The following FANCI variants were observed in gnomAD, a reference collection of about 807,000 sequenced individuals.
The protein encoded by FANCI is FA complementation group I, also known as Fanconi anemia group I protein.
A neutral mutation model predicts 176.1 loss-of-function variants in FANCI; 156 were observed. The ratio of observed to expected loss-of-function variants is 0.89; its 90% CI spans 0.78 to 1.01. FANCI has a LOEUF of 1.01. FANCI is among the 50% of genes least tolerant of loss of function. The probability of loss-of-function intolerance (pLI) is 0.00; values close to 1 mark genes in which losing one functional copy is unlikely to be tolerated. For synonymous variants in FANCI, 613 were observed against 541.7 expected, an observed-to-expected ratio of 1.13 and a Z score of -1.83; for missense variants, 1,678 against 1,534.1, an observed-to-expected ratio of 1.09 and a Z score of -1.57.
At chr15:89,268,250 A>G (rs1480624052) in intron 9 of FANCI, 149 bp from the exon 10 acceptor site, 5 of 795,242 alleles carry the variant, frequency 6.3e-6, no homozygotes, top group Non-Finnish European at 8.5e-6. Context: ...ATGCCACCAC[A>G]TCGGGCTGAT....
Position 89,306,012 on chromosome 15 carries a change from G to A in FANCI, c.3355G>A (p.Ala1119Thr). Reference protein sequence around the residue: ...QVSQETLSEEASSQATLPNQP... With the variant: ...QVSQETLSEETSSQATLPNQP... ...CCAATTTTATTTCCCTTTAGAAGAG[G>A]CCTCTTCTCAGGCAACCCTACCAAA... Residue 1119 changes from alanine (A) to threonine (T), a missense_variant, in exon 32 of 38, where the codon GCC becomes ACC. By Grantham distance (58) the Ala-to-Thr change is moderately conservative (BLOSUM62 0). Around this residue, in one of 3 missense-constraint regions of FANCI, gnomAD observed 1,204 missense variants for 1,077.4 expected, o/e 1.12. Coordinates refer to ENST00000310775, the MANE Select transcript of FANCI (RefSeq NM_001113378.2). The A allele has an allele frequency of 6.2e-7, 1 of 1,614,114 alleles. No individual in the cohort carries two copies. Among genetic ancestry groups the A allele is most frequent in the Non-Finnish European group, 8.5e-7 (1 of 1,180,024 alleles).
At chr15:89,281,339 G>C (rs753864276) in intron 15 of FANCI, 39 bp downstream of exon 15, 1 of 1,611,348 alleles carries the variant, frequency 6.2e-7, no homozygotes, top group South Asian at 1.1e-5. Context: ...CCAAAACTGA[G>C]GTTTAACTGT....
chr15:89,286,941 C>G (rs1427907757), intron 18 of FANCI, among the ~76,000 whole-genome samples: 1 of 147,990 alleles, frequency 6.8e-6, no homozygotes, highest in Non-Finnish European at 1.5e-5. Context: ...TAATTTGCCT[C>G]AGCTTCTCCA....
chr15:89,277,131 C>T (rs534177545), intron 13 of FANCI, among the ~76,000 whole-genome samples: 1 of 152,204 alleles, frequency 6.6e-6, no homozygotes, highest in East Asian at 1.9e-4. Flanking sequence ...TGTTTCTGAC[C>T]TAGAAGTTTG....
intron 12 of FANCI, 123 bp downstream of exon 12, chr15:89,274,427 A>C: frequency 9.5e-7 from 1 of 1,053,494 alleles, no homozygotes; most frequent in African/African-American, 1.6e-5. Context: ...GACGTCACAC[A>C]TCGAGGTTCA....
rs1287297880 is a variant in FANCI at position 89,305,711 on chromosome 15, C to G, written c.3349+13C>G. 2 of 1,610,788 alleles carry G rather than the reference C, an allele frequency of 1.2e-6. No individual in the cohort carries two copies. The highest frequency in any genetic ancestry group is 2.2e-5 in the East Asian group (1 of 44,862). ...GAAACCTTATCAGGTAAGATAAGTT[C>G]AACTGGGATTCCAGGAATTGACATG... On this transcript the variant is annotated intron_variant, in intron 31 of 37. Transcript: ENST00000310775.
At position 89,277,116 on chromosome 15, in the gene FANCI, C is replaced by T. The variant is rs1007599051; in HGVS notation, c.1293+225C>T. Among the ~76,000 whole-genome samples, 10 of 152,254 alleles carry T rather than the reference C, an allele frequency of 6.6e-5. No homozygotes were observed. The East Asian group carries it at 1.2e-3, about 18-fold the overall frequency. Reference sequence around the variant, plus strand: ...AAGTTTTTCATTTATTCCACTTAATCCAATTGTTTCTGACCTAGAAGTTTG... The same window carrying T: ...AAGTTTTTCATTTATTCCACTTAATTCAATTGTTTCTGACCTAGAAGTTTG... On this transcript the variant is annotated intron_variant, in intron 13 of 37. Coordinates refer to ENST00000310775, the MANE Select transcript of FANCI (RefSeq NM_001113378.2).
In FANCI at chr15:89,268,482, A is replaced by G. The variant is rs772035961; in HGVS notation, c.839A>G (p.Lys280Arg). 1.3e-5 allele frequency: 21 copies of G among 1,614,226 alleles called. No homozygotes were observed. Among genetic ancestry groups the G allele is most frequent in the South Asian group, 3.3e-5 (3 of 91,078 alleles). ...ATTCTACACATTGTGTTTGCCATCAAATTGGACTATGAACTAGGCAGAGAA... is the reference window on the plus strand; with the variant it reads ...ATTCTACACATTGTGTTTGCCATCAGATTGGACTATGAACTAGGCAGAGAA... The part of the protein sequence containing the change: ...TIILHIVFAI[K>R]LDYELGRELV... The change falls in exon 10 of 38, where the codon AAA (lysine) becomes AGA (arginine). Residue 280 changes from lysine (K) to arginine (R), a missense_variant. Physicochemically the swap from Lys to Arg is conservative, Grantham distance 26. Around this residue, in one of 3 missense-constraint regions of FANCI, gnomAD observed 469 missense variants for 436.9 expected, o/e 1.07. Coordinates refer to ENST00000310775, the MANE Select transcript of FANCI (RefSeq NM_001113378.2).
intron 24 of FANCI, among the ~76,000 whole-genome samples, chr15:89,298,605 T>C (rs927012993): frequency 6.6e-6 from 1 of 151,096 alleles, no homozygotes; most frequent in Non-Finnish European, 1.5e-5. Flanking sequence ...AGGAAGGAAA[T>C]AGACAAAAGC....
intron 2 of FANCI, among the ~76,000 whole-genome samples, chr15:89,255,477 G>T (rs1406106067): frequency 1.3e-5 from 2 of 152,102 alleles, no homozygotes; most frequent in Non-Finnish European, 2.9e-5. Context: ...AAGGGACAGG[G>T]TGGGGGAAGT....
intron 24 of FANCI, among the ~76,000 whole-genome samples, chr15:89,296,344 G>T (rs1486077552): frequency 6.6e-6 from 1 of 151,942 alleles, no homozygotes. Flanking sequence ...CTGGGCTCAA[G>T]CGATACGCCC....
chr15:89,295,791 T>G (rs966422352), intron 24 of FANCI, among the ~76,000 whole-genome samples: 2 of 149,138 alleles, frequency 1.3e-5, no homozygotes, highest in African/African-American at 4.9e-5. Flanking sequence ...TTTGGCTTTT[T>G]TTGAGAGAGT....
At chr15:89,290,428 C>T in intron 19 of FANCI, 147 bp downstream of exon 19, 1 of 684,500 alleles carries the variant, frequency 1.5e-6, no homozygotes, top group Non-Finnish European at 2.6e-6. Flanking sequence ...TTATGCTGTT[C>T]TGGGTTGTCT....
At chr15:89,309,839 A>G (rs1477862638) in intron 34 of FANCI, among the ~76,000 whole-genome samples, 1 of 152,258 alleles carries the variant, frequency 6.6e-6, no homozygotes, top group Non-Finnish European at 1.5e-5. Flanking sequence ...AATGTTCCAT[A>G]GAGTACAGTT....
chr15:89,284,415 T>C (rs528213714), intron 17 of FANCI, among the ~76,000 whole-genome samples: 76 of 152,204 alleles, frequency 5.0e-4, no homozygotes, highest in Non-Finnish European at 4.6e-4. Context: ...GTCTATAACA[T>C]ATAGCATAGA....
chr15:89,255,231 T>G (rs2052441532), intron 2 of FANCI, among the ~76,000 whole-genome samples: 1 of 152,208 alleles, frequency 6.6e-6, no homozygotes, highest in Non-Finnish European at 1.5e-5. Flanking sequence ...GTCTCATGAT[T>G]GGACCAATGT....
At position 89,276,902 on chromosome 15, in the gene FANCI, A is replaced by G. The variant is rs761624757; in HGVS notation, c.1293+11A>G. On this transcript the variant is annotated intron_variant, in intron 13 of 37. Transcript: ENST00000310775. ...TTGGAAACTTTTAAGGTGAGACACT[A>G]TTTTGGCAACCACTCCCTAATTTTG... 1.2e-5 allele frequency: 20 copies of G among 1,614,014 alleles called. No homozygotes were observed. In the African/African-American group the frequency reaches 1.6e-4, roughly 13 times the overall value.
intron 19 of FANCI, chr15:89,290,707 T>G (rs2054029267): frequency 5.6e-6 from 1 of 178,222 alleles, no homozygotes; most frequent in Non-Finnish European, 1.2e-5. Flanking sequence ...AATTTTTAAA[T>G]TAGAAGATTA....
chr15:89,301,303 C>T, intron 26 of FANCI, 23 bp from the exon 27 acceptor site: 1 of 1,493,384 alleles, frequency 6.7e-7, no homozygotes, highest in Non-Finnish European at 9.3e-7. Flanking sequence ...ACATTGCTTG[C>T]TGTGTGTGCC....
Sources: gnomAD v4.1 joint callset for allele counts (sites outside exome capture counted in the v4.1 genomes callset) on GRCh38, gnomAD v4.1.1 for gene constraint, gnomAD v4.1.1 regional missense constraint, MANE v1.5 for transcripts, NCBI Gene and HGNC (gene_info 2026-07-23, HGNC 2026-07-21) for gene names.